ATXN7L1: variants seen among roughly 807,000 people sequenced by gnomAD.
ATXN7L1 encodes ataxin 7 like 1, also known as ataxin-7-like protein 1.
In ATXN7L1, 15 loss-of-function variants were observed where a neutral mutation model predicts 70.8. The observed-to-expected ratio is 0.21, with a 90% CI of 0.14 to 0.33. The LOEUF (loss-of-function observed/expected upper bound fraction) is 0.33, where lower values mean the gene tolerates loss of function less well. Among genes scored for constraint, ATXN7L1 ranks in the 10% least tolerant of loss-of-function variants. The pLI is 1.00. For missense variants in ATXN7L1, 975 were observed against 1,097.1 expected (o/e 0.89, Z 1.57); for synonymous variants, 440 against 445.1 (o/e 0.99, Z 0.14).
intron 3 of ATXN7L1, among the ~76,000 whole-genome samples, chr7:105,776,229 CA>C (rs1802708497): frequency 6.6e-6 from 1 of 152,198 alleles, no homozygotes; most frequent in Admixed American, 6.5e-5. Context: ...GGTCACGTTA[CA>C]GCGAGAGCCC....
At chr7:105,640,001 G>A (rs1292425439) in intron 5 of ATXN7L1, among the ~76,000 whole-genome samples, 1 of 152,200 alleles carries the variant, frequency 6.6e-6, no homozygotes, top group Non-Finnish European at 1.5e-5. Context: ...CCTTTCCTGG[G>A]CTGCTCCAAG....
At chr7:105,691,309 C>G (rs1039534249) in intron 3 of ATXN7L1, among the ~76,000 whole-genome samples, 2 of 152,310 alleles carry the variant, frequency 1.3e-5, no homozygotes, top group African/African-American at 4.8e-5. Flanking sequence ...AGGAAAACAA[C>G]ACGTCCTAGG....
intron 2 of ATXN7L1, among the ~76,000 whole-genome samples, chr7:105,842,099 A>G (rs1228064846): frequency 1.3e-5 from 2 of 152,102 alleles, no homozygotes; most frequent in African/African-American, 2.4e-5. Flanking sequence ...GGAAGCACCT[A>G]TTCTCTGGCC....
At chr7:105,663,208 C>T (rs560298509) in intron 4 of ATXN7L1, among the ~76,000 whole-genome samples, 39 of 152,258 alleles carry the variant, frequency 2.6e-4, no homozygotes, top group South Asian at 1.2e-3. Context: ...CACCACTCTC[C>T]GGCTGAGTCT....
chr7:105,656,513 C>A (rs1405169704), intron 4 of ATXN7L1, among the ~76,000 whole-genome samples: 1 of 151,594 alleles, frequency 6.6e-6, no homozygotes, highest in Non-Finnish European at 1.5e-5. Flanking sequence ...TGCTGTCAGG[C>A]AGTTCTGCAG....
At chr7:105,786,076 G>A (rs7784318) in intron 3 of ATXN7L1, among the ~76,000 whole-genome samples, 1,953 of 152,304 alleles carry the variant, frequency 0.013, 19 homozygotes, top group Non-Finnish European at 0.021. Flanking sequence ...CTTGATAAAT[G>A]TAAGTTTGTA....
chr7:105,738,174 C>A (rs1384941927), intron 3 of ATXN7L1, among the ~76,000 whole-genome samples: 1 of 152,228 alleles, frequency 6.6e-6, no homozygotes, highest in Non-Finnish European at 1.5e-5. Flanking sequence ...ACTTCCAGAA[C>A]AAAAGCTCAA....
chr7:105,645,548 G>A (rs1183810425), intron 4 of ATXN7L1, among the ~76,000 whole-genome samples: 1 of 150,682 alleles, frequency 6.6e-6, no homozygotes, highest in Non-Finnish European at 1.5e-5. Flanking sequence ...TGTAATCCCA[G>A]CACTTTGGGA....
intron 4 of ATXN7L1, 96 bp from the exon 5 acceptor site, chr7:105,643,217 T>C (rs1798513387): frequency 1.5e-6 from 2 of 1,325,468 alleles, no homozygotes; most frequent in African/African-American, 3.0e-5. Flanking sequence ...GAACATTTCC[T>C]TATCACTTAT....
intron 3 of ATXN7L1, among the ~76,000 whole-genome samples, chr7:105,684,041 G>T (rs557577984): frequency 1.3e-5 from 2 of 152,306 alleles, no homozygotes; most frequent in Non-Finnish European, 2.9e-5. Context: ...TAGCTTCACT[G>T]CAGGCTCCAT....
At chr7:105,688,913 A>C (rs1394429866) in intron 3 of ATXN7L1, among the ~76,000 whole-genome samples, 1 of 152,210 alleles carries the variant, frequency 6.6e-6, no homozygotes, top group East Asian at 1.9e-4. Flanking sequence ...CTCTTACCCA[A>C]AAAGTAATCT....
chr7:105,811,579 G>A (rs1281106446), intron 2 of ATXN7L1, among the ~76,000 whole-genome samples: 1 of 152,206 alleles, frequency 6.6e-6, no homozygotes, highest in African/African-American at 2.4e-5. Flanking sequence ...CCAAGTTCAG[G>A]AGAAAAGCCC....
intron 3 of ATXN7L1, among the ~76,000 whole-genome samples, chr7:105,763,565 C>T (rs1424584976): frequency 6.6e-6 from 1 of 152,202 alleles, no homozygotes; most frequent in Non-Finnish European, 1.5e-5. Flanking sequence ...CATCATGTTC[C>T]CCTTTGTATC....
At chr7:105,655,226 T>C (rs1178455574) in intron 4 of ATXN7L1, among the ~76,000 whole-genome samples, 1 of 152,178 alleles carries the variant, frequency 6.6e-6, no homozygotes, top group African/African-American at 2.4e-5. Flanking sequence ...CCTTAGATGT[T>C]TAAATTCCCA....
chr7:105,758,204 G>C (rs556035359), intron 3 of ATXN7L1, among the ~76,000 whole-genome samples: 1 of 152,158 alleles, frequency 6.6e-6, no homozygotes, highest in Non-Finnish European at 1.5e-5. Context: ...ATATGTGAAG[G>C]GGGAAGCAGA....
At chr7:105,789,351 T>C (rs1346871192) in intron 2 of ATXN7L1, among the ~76,000 whole-genome samples, 1 of 152,194 alleles carries the variant, frequency 6.6e-6, no homozygotes, top group Non-Finnish European at 1.5e-5. Context: ...TCTGCTCTCC[T>C]GGAGCTTAAG....
At chr7:105,798,442 C>G (rs925133557) in intron 2 of ATXN7L1, among the ~76,000 whole-genome samples, 16 of 152,236 alleles carry the variant, frequency 1.1e-4, no homozygotes, top group South Asian at 2.1e-4. Flanking sequence ...TCTGCACTGT[C>G]TGACACTGGG....
At position 105,605,066 on chromosome 7, in the gene ATXN7L1, T is replaced by A. The variant is rs1792700637; in HGVS notation, c.*2786A>T. 1 of 144,118 alleles carries A rather than the reference T, an allele frequency of 6.9e-6. No individual in the cohort carries two copies. Among genetic ancestry groups the A allele is most frequent in the Admixed American group, 7.0e-5 (1 of 14,316 alleles). 8.9% of individuals were successfully genotyped at this position (144,118 alleles called of 1,614,324 possible). A position where few individuals can be genotyped will look rare whatever the true frequency, so the allele number is the denominator to read the frequency against. On this transcript the variant is annotated 3_prime_UTR_variant, in exon 12 of 12. Coordinates refer to ENST00000419735, the MANE Select transcript of ATXN7L1 (RefSeq NM_020725.2). ...GCTTTTTTTTTTTTTTTTTTTTTTT[T>A]ATGGCTGACAGGTCTATGCATTGCG...
intron 3 of ATXN7L1, among the ~76,000 whole-genome samples, 175 bp from the exon 4 acceptor site, chr7:105,665,463 C>A (rs1381802085): frequency 6.6e-6 from 1 of 152,156 alleles, no homozygotes; most frequent in African/African-American, 2.4e-5. Flanking sequence ...GCTCCTATTC[C>A]ACCAGCTAGC....
Sources: allele counts gnomAD v4.1 joint callset (sites outside exome capture counted in the v4.1 genomes callset), GRCh38; gene constraint gnomAD v4.1.1; transcripts MANE v1.5; gene names NCBI Gene and HGNC (gene_info 2026-07-23, HGNC 2026-07-21).